Variants in NAT10 observed in about 807,000 individuals in gnomAD.
NAT10 encodes RNA cytidine acetyltransferase.
NAT10 carries 109 observed loss-of-function variants against 132.2 expected under a neutral mutation model. The ratio of observed to expected loss-of-function variants is 0.82; its 90% confidence interval spans 0.71 to 0.97. NAT10 has a LOEUF of 0.97. NAT10 is among the 50% of genes least tolerant of loss of function. The pLI, the probability that NAT10 is intolerant of heterozygous loss-of-function variation, is 0.00. For synonymous variants in NAT10, 479 were observed against 478.0 expected (o/e 1.00, Z -0.03); for missense variants, 1,184 against 1,263.4 (o/e 0.94, Z 0.95).
intron 3 of NAT10, among the ~76,000 whole-genome samples, chr11:34,110,427 C>G (rs190856128): frequency 3.9e-5 from 6 of 151,998 alleles, no homozygotes; most frequent in African/African-American, 7.2e-5. Context: ...CCTGAGCCCC[C>G]CAGTCATACC....
chr11:34,134,990 G>T (rs1266439740), intron 18 of NAT10, among the ~76,000 whole-genome samples, 185 bp from the exon 19 acceptor site: 1 of 152,220 alleles, frequency 6.6e-6, no homozygotes, highest in African/African-American at 2.4e-5. Flanking sequence ...AAGAACTCGG[G>T]TCACACTACT....
At chr11:34,130,761 TAGA>T in intron 12 of NAT10, 49 bp from the exon 13 acceptor site, 1 of 1,609,260 alleles carries the variant, frequency 6.2e-7, no homozygotes, top group Admixed American at 1.7e-5. Flanking sequence ...TGTCCCCTCC[TAGA>T]CAGTGGATTT....
chr11:34,131,039 C>T, intron 13 of NAT10, 102 bp downstream of exon 13: 1 of 1,518,842 alleles, frequency 6.6e-7, no homozygotes, highest in Non-Finnish European at 8.9e-7. Context: ...CCAAACCTTC[C>T]CACCATCAGG....
intron 4 of NAT10, among the ~76,000 whole-genome samples, chr11:34,113,314 T>C (rs1348500695): frequency 3.3e-5 from 5 of 152,194 alleles, no homozygotes; most frequent in Admixed American, 6.5e-5. Flanking sequence ...TTTTGACATA[T>C]AAAACTAACA....
At chr11:34,123,116 C>T (rs1418030340) in intron 9 of NAT10, among the ~76,000 whole-genome samples, 1 of 152,188 alleles carries the variant, frequency 6.6e-6, no homozygotes, top group African/African-American at 2.4e-5. Flanking sequence ...GAACCTAGAA[C>T]TTACTGTGTT....
chr11:34,139,144 C>A, intron 21 of NAT10, 47 bp from the exon 22 acceptor site: 2 of 1,532,442 alleles, frequency 1.3e-6, no homozygotes, highest in Non-Finnish European at 1.8e-6. Context: ...ATGGGTTATT[C>A]AAAAAAAGGG....
intron 16 of NAT10, 122 bp downstream of exon 16, chr11:34,133,264 G>C (rs1462497913): frequency 1.1e-5 from 9 of 790,236 alleles, no homozygotes; most frequent in Non-Finnish European, 1.3e-5. Context: ...CTGGAACCAA[G>C]GGGCTGGGTC....
Position 34,133,123 on chromosome 11 carries a change from A to T in NAT10, c.1715A>T (p.Glu572Val). ...PVPPTQNALP[E>V]VLAVIQVCLE... ...CCCCCCACCCAGAATGCCCTTCCAGAAGTGCTTGCTGTTATCCAGGTATAG... is the reference window on the plus strand; with the variant it reads ...CCCCCCACCCAGAATGCCCTTCCAGTAGTGCTTGCTGTTATCCAGGTATAG... Residue 572 changes from glutamate (E) to valine (V), a missense_variant, in exon 16 of 29, where the codon GAA (glutamate) becomes GTA (valine). Physicochemically the swap from Glu to Val is moderately radical, Grantham distance 121 (BLOSUM62 -2). Transcript: ENST00000257829. 16 of 1,613,694 alleles carry T rather than the reference A, an allele frequency of 9.9e-6. No individual in the cohort carries two copies. Among genetic ancestry groups the T allele is most frequent in the Non-Finnish European group, 1.4e-5 (16 of 1,179,676 alleles).
chr11:34,135,277 A>G lies in NAT10; in HGVS notation c.2014A>G (p.Thr672Ala). The G allele has an allele frequency of 6.2e-7, 1 of 1,613,968 alleles. No individual in the cohort carries two copies. Among genetic ancestry groups the G allele is most frequent in the Non-Finnish European group, 8.5e-7 (1 of 1,179,882 alleles). ...KVLETPQEIH[T>A]VSSEAVSLLE... The stretch of plus-strand genomic sequence containing the variant: ...CCTTGAGACACCACAGGAAATTCAC[A>G]CCGTAAGCAGCGAGGTAAGCATCTT... Residue 672 changes from threonine to alanine, a missense_variant, in exon 19 of 29, where the codon ACC (threonine) becomes GCC (alanine). Coordinates refer to ENST00000257829, the MANE Select transcript of NAT10 (RefSeq NM_024662.3).
At chr11:34,139,319 A>G (rs370240384) in intron 22 of NAT10, 32 bp downstream of exon 22, 10 of 1,609,534 alleles carry the variant, frequency 6.2e-6, no homozygotes, top group Admixed American at 1.7e-5. Flanking sequence ...GGGGGAGACA[A>G]TGAGGTGATT....
intron 8 of NAT10, among the ~76,000 whole-genome samples, chr11:34,118,868 C>T (rs1366361109): frequency 6.6e-6 from 1 of 152,168 alleles, no homozygotes; most frequent in African/African-American, 2.4e-5. Context: ...CCTCAACCTC[C>T]TAAGGTGCTG....
Position 34,127,635 on chromosome 11 carries a change from G to T in NAT10, c.1244+36G>T, listed in dbSNP as rs371017910. On this transcript the variant is annotated intron_variant, in intron 12 of 28. Coordinates refer to ENST00000257829, the MANE Select transcript of NAT10 (RefSeq NM_024662.3). ...GTGGGCAGGAGTCCTTACTCCCGTG[G>T]CAGGCTCTTGCAGATTTAGGGGCAT... The T allele has an allele frequency of 8.1e-5, 127 of 1,576,204 alleles. 1 individual carries two copies. Among genetic ancestry groups the T allele is most frequent in the Middle Eastern group, 5.6e-4 (3 of 5,378 alleles).
chr11:34,137,317 G>A (rs112620856), intron 21 of NAT10, among the ~76,000 whole-genome samples: 25 of 152,336 alleles, frequency 1.6e-4, no homozygotes, highest in African/African-American at 5.8e-4. Flanking sequence ...GTGGACAGGA[G>A]GATCAAGGGT....
intron 8 of NAT10, 109 bp downstream of exon 8, chr11:34,118,612 G>A (rs955118133): frequency 1.3e-6 from 1 of 793,848 alleles, no homozygotes; most frequent in Non-Finnish European, 2.0e-6. Flanking sequence ...CCCTGGAGAA[G>A]GGGACTTTTC....
At chr11:34,122,370 A>G (rs1295893335) in intron 8 of NAT10, 89 bp from the exon 9 acceptor site, 8 of 1,556,224 alleles carry the variant, frequency 5.1e-6, no homozygotes, top group Non-Finnish European at 7.0e-6. Flanking sequence ...TTAGCCTGGC[A>G]TCAACCTCAC....
intron 20 of NAT10, 23 bp downstream of exon 20, chr11:34,136,798 C>T (rs531881139): frequency 1.4e-5 from 22 of 1,613,976 alleles, no homozygotes; most frequent in Middle Eastern, 1.6e-4. Flanking sequence ...CCTCCTTCCA[C>T]GGCATCACTC....
At chr11:34,118,135 T>C (rs531554433) in intron 6 of NAT10, 45 bp from the exon 7 acceptor site, 22 of 1,463,980 alleles carry the variant, frequency 1.5e-5, no homozygotes, top group East Asian at 1.1e-4. Context: ...GTATAGACAT[T>C]GCATGCCCTC....
At chr11:34,120,200 T>A (rs17367679) in intron 8 of NAT10, among the ~76,000 whole-genome samples, 14,932 of 149,366 alleles carry the variant, frequency 0.1, 868 homozygotes, top group African/African-American at 0.15. Context: ...GCCCACTTTT[T>A]ACTTGGATTT....
chr11:34,134,391 G>T lies in NAT10; in HGVS notation c.1807G>T (p.Asp603Tyr). The T allele has an allele frequency of 1.9e-6, 3 of 1,614,210 alleles. No homozygotes were observed. The highest frequency in any genetic ancestry group is 2.5e-6 in the Non-Finnish European group (3 of 1,180,036). ...GTCTCGAGGCAAGAAGGCTTCAGGG[G>T]ACCTGATTCCATGGACAGTGTCAGA... ...SLSRGKKASG[D>Y]LIPWTVSEQF... Residue 603 changes from aspartate to tyrosine, a missense_variant, in exon 17 of 29, where the codon GAC becomes TAC. Transcript: ENST00000257829.
Sources: gnomAD v4.1 joint callset for allele counts (sites outside exome capture counted in the v4.1 genomes callset) on GRCh38, gnomAD v4.1.1 for gene constraint, MANE v1.5 for transcripts, NCBI Gene and HGNC (gene_info 2026-07-23, HGNC 2026-07-21) for gene names.